Variants in RARS2 observed in about 807,000 individuals in gnomAD.
RARS2 encodes probable arginine--tRNA ligase, mitochondrial.
Under a neutral mutation model 88.5 loss-of-function variants are expected in RARS2, and 67 were observed. The observed-to-expected ratio is 0.76, with a 90% CI of 0.62 to 0.93. The LOEUF (loss-of-function observed/expected upper bound fraction) is 0.93. Among genes scored for constraint, RARS2 ranks in the 40% least tolerant of loss-of-function variants. RARS2 has a pLI of 0.00. For missense variants in RARS2, 664 were observed against 684.2 expected, an observed-to-expected ratio of 0.97 and a Z score of 0.33; for synonymous variants, 239 against 230.3, an observed-to-expected ratio of 1.04 and a Z score of -0.34.
Position 87,567,414 on chromosome 6 carries a change from G to A in RARS2, c.110+2103C>T, listed in dbSNP as rs76563242. On this transcript the variant is annotated intron_variant, in intron 2 of 19. Coordinates refer to ENST00000369536, the MANE Select transcript of RARS2 (RefSeq NM_020320.5). ...TTCTGAGGAGTTGTGATATTGGTTA[G>A]TGTGAAATCCACAGACTTGATAGCC... Among the ~76,000 whole-genome samples, 1,307 of 152,330 alleles carry A rather than the reference G, an allele frequency of 8.6e-3. 12 individuals carry two copies. The highest frequency in any genetic ancestry group is 0.015 in the Non-Finnish European group (1,000 of 68,034).
chr6:87,556,295 A>G (rs1051991490), intron 4 of RARS2, among the ~76,000 whole-genome samples: 3 of 152,008 alleles, frequency 2.0e-5, no homozygotes, highest in African/African-American at 4.8e-5. Flanking sequence ...CCCTAACTGC[A>G]TCTATATTTT....
intron 10 of RARS2, 97 bp from the exon 11 acceptor site, chr6:87,524,749 T>C (rs1239878228): frequency 1.1e-6 from 1 of 874,260 alleles, no homozygotes; most frequent in Non-Finnish European, 1.9e-6. Flanking sequence ...GCTATTTTTA[T>C]TACCCACGTT....
intron 11 of RARS2, among the ~76,000 whole-genome samples, 172 bp from the exon 12 acceptor site, chr6:87,521,696 A>G (rs1773909957): frequency 6.6e-6 from 1 of 152,076 alleles, no homozygotes; most frequent in Non-Finnish European, 1.5e-5. Flanking sequence ...ATATAAAATG[A>G]TAAAAATAGG....
At chr6:87,517,661 T>C (rs927721884) in intron 17 of RARS2, among the ~76,000 whole-genome samples, 3 of 152,200 alleles carry the variant, frequency 2.0e-5, no homozygotes, top group African/African-American at 7.2e-5. Context: ...GACTAATCTC[T>C]GGCATGTTTG....
intron 8 of RARS2, among the ~76,000 whole-genome samples, chr6:87,535,967 G>T (rs1048028270): frequency 2.6e-5 from 4 of 152,044 alleles, no homozygotes; most frequent in African/African-American, 9.7e-5. Context: ...TTGCAGGTGT[G>T]AGCCACTGCA....
intron 17 of RARS2, 134 bp from the exon 18 acceptor site, chr6:87,517,014 C>A: frequency 7.4e-7 from 1 of 1,356,156 alleles, no homozygotes; most frequent in Non-Finnish European, 1.0e-6. Flanking sequence ...CGCAGTGTCT[C>A]ACGTCTGTAA....
At chr6:87,576,656 T>A (rs1216401735) in intron 1 of RARS2, among the ~76,000 whole-genome samples, 1 of 152,192 alleles carries the variant, frequency 6.6e-6, no homozygotes, top group Non-Finnish European at 1.5e-5. Flanking sequence ...AATTTAAAAG[T>A]ATTTGTAATA....
chr6:87,533,277 A>C (rs1263094169), intron 8 of RARS2, among the ~76,000 whole-genome samples: 1 of 96,180 alleles, frequency 1.0e-5, no homozygotes, highest in Non-Finnish European at 2.0e-5. Context: ...TTAAAACAAA[A>C]AGCCCTTAAA....
chr6:87,556,140 C>A (rs917192519), intron 4 of RARS2, among the ~76,000 whole-genome samples: 3 of 152,104 alleles, frequency 2.0e-5, no homozygotes, highest in African/African-American at 7.2e-5. Flanking sequence ...AAGTGAGAAA[C>A]AAGGAAATCC....
intron 4 of RARS2, among the ~76,000 whole-genome samples, chr6:87,561,905 T>C (rs1426303688): frequency 1.3e-5 from 2 of 152,232 alleles, no homozygotes; most frequent in Non-Finnish European, 2.9e-5. Context: ...CTAATGGGTA[T>C]CCTTAAATCA....
Position 87,578,107 on chromosome 6 carries a change from A to ACC in RARS2, c.37-8519_37-8518dup, listed in dbSNP as rs796269641. Among the ~76,000 whole-genome samples the ACC allele has an allele frequency of 1.9e-3, 252 of 133,504 alleles. 1 individual carries two copies. Among genetic ancestry groups the ACC allele is most frequent in the African/African-American group, 4.6e-3 (160 of 34,542 alleles). The allele number at this position is 133,504 out of a possible 152,430, so 87.6% of individuals were successfully genotyped here. ...GACCAGCCTGGGGCAACATAGCGAG[A>ACC]CCCCCCCCCCCGCCATCTCTATTTA... On this transcript the variant is annotated intron_variant, in intron 1 of 19. Transcript: ENST00000369536.
chr6:87,541,576 C>A (rs561198565), intron 8 of RARS2, among the ~76,000 whole-genome samples: 2 of 152,230 alleles, frequency 1.3e-5, no homozygotes, highest in Non-Finnish European at 2.9e-5. Context: ...GTAATCCCAG[C>A]ACTTTGGGAG....
chr6:87,526,994 G>A lies in RARS2; in HGVS notation c.879-2342C>T, dbSNP rs1017899210. Among the ~76,000 whole-genome samples, 74 of 151,854 alleles carry A rather than the reference G, an allele frequency of 4.9e-4. 1 individual carries two copies. Among genetic ancestry groups the A allele is most frequent in the African/African-American group, 1.6e-3 (65 of 41,458 alleles). On this transcript the variant is annotated intron_variant, in intron 10 of 19. Coordinates refer to ENST00000369536, the MANE Select transcript of RARS2 (RefSeq NM_020320.5). Reference sequence around the variant, plus strand: ...CCAGGTCAACTGATTTTTGACAAAGGTGCCAAAATAACACAATAAGAAAGG... The same window carrying A: ...CCAGGTCAACTGATTTTTGACAAAGATGCCAAAATAACACAATAAGAAAGG...
chr6:87,583,001 G>GT (rs1774074258), intron 1 of RARS2, among the ~76,000 whole-genome samples: 1 of 152,190 alleles, frequency 6.6e-6, no homozygotes, highest in East Asian at 1.9e-4. Context: ...AATATGGACT[G>GT]TAAGTTAAAG....
intron 1 of RARS2, among the ~76,000 whole-genome samples, chr6:87,582,251 C>T (rs146763802): frequency 6.6e-6 from 1 of 152,302 alleles, no homozygotes; most frequent in East Asian, 1.9e-4. Context: ...TATTTCTCCA[C>T]AATCTCACCA....
intron 5 of RARS2, among the ~76,000 whole-genome samples, chr6:87,550,608 A>G (rs1291416025): frequency 6.6e-6 from 1 of 151,904 alleles, no homozygotes; most frequent in Non-Finnish European, 1.5e-5. Flanking sequence ...CACAACTTGC[A>G]TATCTTTGCC....
intron 16 of RARS2, 174 bp from the exon 17 acceptor site, chr6:87,518,438 T>A: frequency 7.1e-7 from 1 of 1,417,314 alleles, no homozygotes; most frequent in Non-Finnish European, 9.4e-7. Flanking sequence ...ACTAAGATAA[T>A]ACACATAAAT....
chr6:87,567,640 A>G (rs576410654), intron 2 of RARS2, among the ~76,000 whole-genome samples: 20 of 152,268 alleles, frequency 1.3e-4, no homozygotes, highest in Admixed American at 3.3e-4. Flanking sequence ...AGGCTTAGTT[A>G]CATACTGTAA....
At chr6:87,584,800 T>G in intron 1 of RARS2, 1 of 445,606 alleles carries the variant, frequency 2.2e-6, no homozygotes, top group Non-Finnish European at 4.5e-6. Context: ...CTTGTGCAGT[T>G]ATCTACCCCA....
Sources: gnomAD v4.1 joint callset for allele counts (sites outside exome capture counted in the v4.1 genomes callset) on GRCh38, gnomAD v4.1.1 for gene constraint, MANE v1.5 for transcripts, NCBI Gene and HGNC (gene_info 2026-07-23, HGNC 2026-07-21) for gene names.